Variants in SDK1 observed in about 807,000 individuals in gnomAD.
SDK1 encodes protein sidekick-1.
Under a neutral mutation model 245.5 loss-of-function variants are expected in SDK1, and 157 were observed. The ratio of observed to expected loss-of-function variants is 0.64; its 90% CI spans 0.56 to 0.73. The LOEUF (loss-of-function observed/expected upper bound fraction) is 0.73, where lower values mean the gene tolerates loss of function less well. Ranked by LOEUF, SDK1 falls within the 30% of genes least tolerant of loss-of-function variation. The pLI, the probability that SDK1 is intolerant of heterozygous loss-of-function variation, is 0.00. For synonymous variants in SDK1, 1,647 were observed against 1,278.5 expected (o/e 1.29, Z -6.15); for missense variants, 3,583 against 3,002.3 (o/e 1.19, Z -4.52).
At chr7:3,418,725 A>G (rs1349705706) in intron 1 of SDK1, among the ~76,000 whole-genome samples, 2 of 152,212 alleles carry the variant, frequency 1.3e-5, no homozygotes, top group East Asian at 3.8e-4. Flanking sequence ...ATACTGTTAC[A>G]TAGTCCAGGA....
intron 1 of SDK1, among the ~76,000 whole-genome samples, chr7:3,484,339 G>A (rs1198235026): frequency 2.0e-5 from 3 of 152,024 alleles, no homozygotes; most frequent in Non-Finnish European, 4.4e-5. Context: ...CACTGGATGC[G>A]AAACCTACAT....
chr7:3,448,491 A>C (rs1780413539), intron 1 of SDK1, among the ~76,000 whole-genome samples: 1 of 152,142 alleles, frequency 6.6e-6, no homozygotes, highest in Non-Finnish European at 1.5e-5. Context: ...AATAAATTAA[A>C]ATATATGTAA....
At chr7:3,527,432 T>A (rs951347501) in intron 1 of SDK1, among the ~76,000 whole-genome samples, 2 of 152,050 alleles carry the variant, frequency 1.3e-5, no homozygotes, top group African/African-American at 4.8e-5. Flanking sequence ...GAGACCTGAT[T>A]GATATGATGC....
intron 25 of SDK1, among the ~76,000 whole-genome samples, chr7:4,127,010 C>T (rs774660123): frequency 3.9e-5 from 6 of 152,134 alleles, no homozygotes; most frequent in Admixed American, 3.9e-4. Flanking sequence ...TCTCCTGTCC[C>T]TATCACAGAA....
intron 1 of SDK1, among the ~76,000 whole-genome samples, chr7:3,430,825 T>G (rs1359833319): frequency 6.6e-6 from 1 of 152,178 alleles, no homozygotes; most frequent in Non-Finnish European, 1.5e-5. Flanking sequence ...GAAGCAAGGA[T>G]GGGGGCTGCC....
intron 17 of SDK1, among the ~76,000 whole-genome samples, chr7:4,045,021 A>C (rs568113047): frequency 6.6e-6 from 1 of 152,256 alleles, no homozygotes; most frequent in South Asian, 2.1e-4. Flanking sequence ...TGGAGCATGC[A>C]GTGTGCAGTC....
At chr7:4,202,764 T>G (rs1333403195) in intron 35 of SDK1, among the ~76,000 whole-genome samples, 1 of 138,964 alleles carries the variant, frequency 7.2e-6, no homozygotes, top group Non-Finnish European at 1.6e-5. Flanking sequence ...TTTTGTTTTG[T>G]TTTTTTCTCC....
chr7:4,046,723 A>C (rs981863003), intron 17 of SDK1, among the ~76,000 whole-genome samples: 2 of 152,156 alleles, frequency 1.3e-5, no homozygotes, highest in Middle Eastern at 3.2e-3. Flanking sequence ...AGGTTATCCA[A>C]ATTTTTTTCA....
chr7:4,246,261 C>T (rs533556908), intron 44 of SDK1, among the ~76,000 whole-genome samples: 1 of 152,262 alleles, frequency 6.6e-6, no homozygotes, highest in East Asian at 1.9e-4. Context: ...TGGGTGCCAG[C>T]AGGCTGAGTG....
chr7:4,045,435 G>C (rs749960059), intron 17 of SDK1, among the ~76,000 whole-genome samples: 1 of 151,572 alleles, frequency 6.6e-6, no homozygotes, highest in African/African-American at 2.4e-5. Context: ...TTGTAGGGAC[G>C]GGGTCTCTCT....
chr7:3,493,842 A>G (rs1781939564), intron 1 of SDK1, among the ~76,000 whole-genome samples: 1 of 152,228 alleles, frequency 6.6e-6, no homozygotes, highest in East Asian at 1.9e-4. Flanking sequence ...GAATGACCAG[A>G]TTGAATTGGC....
chr7:4,208,429 G>T lies in SDK1; in HGVS notation c.5401+144G>T, dbSNP rs6966032. 3.2e-3 allele frequency: 2,299 copies of T among 719,096 alleles called. 46 individuals carry two copies. The African/African-American group carries it at 0.038, about 12-fold the overall frequency. The allele number at this position is 719,096 out of a possible 1,614,324, so 44.5% of individuals were successfully genotyped here. A position where few individuals can be genotyped will look rare whatever the true frequency, so the allele number is the denominator to read the frequency against. ...TGAGTAGCTGGGAGTTTCTGGATGG[G>T]CAGGACTGGGTTTGGCTCATTTGTT... On this transcript the variant is annotated intron_variant, in intron 37 of 44. Transcript: ENST00000404826.
chr7:3,456,002 T>G lies in SDK1; in HGVS notation c.298+154118T>G, dbSNP rs185413281. On this transcript the variant is annotated intron_variant, in intron 1 of 44. Transcript: ENST00000404826. ...CATTCCTCAAGGGTGATTTCACTGA[T>G]GTAGAATTCATGGTTGACAGTCCTT... Among the ~76,000 whole-genome samples, 36 of 152,338 alleles carry G rather than the reference T, an allele frequency of 2.4e-4. 1 individual carries two copies. The East Asian group carries it at 6.4e-3, about 27-fold the overall frequency.
intron 10 of SDK1, 72 bp from the exon 11 acceptor site, chr7:3,969,185 G>T (rs553909233): frequency 7.3e-7 from 1 of 1,374,900 alleles, no homozygotes; most frequent in Admixed American, 2.3e-5. Context: ...CTTGCTTATG[G>T]CTCTAACCAC....
At chr7:3,810,783 C>G (rs1779364366) in intron 4 of SDK1, among the ~76,000 whole-genome samples, 1 of 151,642 alleles carries the variant, frequency 6.6e-6, no homozygotes, top group Non-Finnish European at 1.5e-5. Context: ...CAGGGATTTT[C>G]CAGCACTAAA....
At chr7:3,906,775 A>C (rs913734544) in intron 5 of SDK1, among the ~76,000 whole-genome samples, 11 of 151,866 alleles carry the variant, frequency 7.2e-5, no homozygotes, top group African/African-American at 2.4e-4. Context: ...CTACAGGTGC[A>C]CGCCACCATG....
At chr7:3,343,096 G>C (rs1780392022) in intron 1 of SDK1, among the ~76,000 whole-genome samples, 1 of 150,986 alleles carries the variant, frequency 6.6e-6, no homozygotes, top group South Asian at 2.1e-4. Flanking sequence ...AGCCACTCTA[G>C]AAAACAGTTT....
chr7:3,668,430 A>G (rs1783601716), intron 4 of SDK1, among the ~76,000 whole-genome samples: 1 of 152,198 alleles, frequency 6.6e-6, no homozygotes, highest in Admixed American at 6.5e-5. Flanking sequence ...TTCAAAGATT[A>G]TATGCTGGGT....
intron 4 of SDK1, among the ~76,000 whole-genome samples, chr7:3,744,538 A>G (rs1779562636): frequency 6.6e-6 from 1 of 152,134 alleles, no homozygotes; most frequent in Admixed American, 6.6e-5. Flanking sequence ...CAGGCCAGGC[A>G]TGGTGGCTCA....
Sources: gnomAD v4.1 joint callset for allele counts (sites outside exome capture counted in the v4.1 genomes callset) on GRCh38, gnomAD v4.1.1 for gene constraint, MANE v1.5 for transcripts, NCBI Gene and HGNC (gene_info 2026-07-23, HGNC 2026-07-21) for gene names.